The following ELAVL4 variants were observed in gnomAD, a reference collection of about 807,000 sequenced individuals.
ELAVL4 encodes ELAV like RNA binding protein 4.
In ELAVL4, 1 loss-of-function variant was observed where a neutral mutation model predicts 35.6. The observed-to-expected ratio is 0.03, with a 90% CI of 0.01 to 0.13. The LOEUF (loss-of-function observed/expected upper bound fraction) is 0.13, where lower values mean the gene tolerates loss of function less well. Ranked by LOEUF, ELAVL4 falls within the 10% of genes least tolerant of loss-of-function variation. The pLI, the probability that ELAVL4 is intolerant of heterozygous loss-of-function variation, is 1.00. For synonymous variants in ELAVL4, 156 were observed against 171.0 expected (o/e 0.91, Z 0.69); for missense variants, 267 against 464.9 (o/e 0.57, Z 3.91).
At chr1:50,107,723 T>G (rs536403842), upstream of ELAVL4, among the ~76,000 whole-genome samples, 1 of 152,346 alleles carries the variant, frequency 6.6e-6, no homozygotes, top group East Asian at 1.9e-4. Context: ...ACAAATTGAT[T>G]AAATTATGAG....
upstream of ELAVL4, among the ~76,000 whole-genome samples, chr1:50,107,401 C>T (rs1377273810): frequency 6.6e-6 from 1 of 152,140 alleles, no homozygotes; most frequent in Non-Finnish European, 1.5e-5. Flanking sequence ...GTACCCAACA[C>T]ATATTGTTTT....
chr1:50,160,621 G>C (rs1676631811), intron 2 of ELAVL4, among the ~76,000 whole-genome samples: 1 of 152,108 alleles, frequency 6.6e-6, no homozygotes. Flanking sequence ...GAGCACCTTA[G>C]TGTTATTTCA....
chr1:50,198,923 C>T (rs750468929), intron 6 of ELAVL4, among the ~76,000 whole-genome samples: 4 of 152,160 alleles, frequency 2.6e-5, no homozygotes, highest in Admixed American at 6.5e-5. Context: ...CTTTGCTGGC[C>T]CTGACCTTTG....
At chr1:50,169,439 C>G (rs1678593255) in intron 2 of ELAVL4, among the ~76,000 whole-genome samples, 1 of 152,156 alleles carries the variant, frequency 6.6e-6, no homozygotes, top group Non-Finnish European at 1.5e-5. Context: ...ACCCCCTACA[C>G]TGCCTTTCCT....
At chr1:50,178,245 A>C (rs1680413814) in intron 3 of ELAVL4, among the ~76,000 whole-genome samples, 1 of 152,208 alleles carries the variant, frequency 6.6e-6, no homozygotes, top group South Asian at 2.1e-4. Flanking sequence ...GCAAAGTAGG[A>C]CAAAAGAGAA....
intron 4 of ELAVL4, among the ~76,000 whole-genome samples, chr1:50,194,597 T>A (rs1683148374): frequency 6.6e-6 from 1 of 152,158 alleles, no homozygotes. Flanking sequence ...AGACAAACCT[T>A]CACAGAAGTC....
chr1:50,090,896 G>A lies in ELAVL4; in HGVS notation c.18+42714G>A, dbSNP rs111510245. The stretch of plus-strand genomic sequence containing the variant: ...GTGGACACTTGGCAGTCCCTGCACC[G>A]CAGTCAGAGGTAGCCCAAAATGAGG... On this transcript the variant is annotated intron_variant, in intron 1 of 6. Coordinates refer to the ELAVL4 transcript ENST00000448907. 2.0e-3 allele frequency among the ~76,000 whole-genome samples: 297 copies of A among 152,306 alleles called. 10 individuals carry two copies. The South Asian group carries it at 0.06, about 31-fold the overall frequency.
At chr1:50,131,536 T>A (rs1277890377) in intron 1 of ELAVL4, among the ~76,000 whole-genome samples, 1 of 152,064 alleles carries the variant, frequency 6.6e-6, no homozygotes, top group African/African-American at 2.4e-5. Context: ...ACACCTGTAA[T>A]CCCAGCACTT....
At chr1:50,120,161 C>A (rs1399754037) in intron 1 of ELAVL4, among the ~76,000 whole-genome samples, 1 of 151,442 alleles carries the variant, frequency 6.6e-6, no homozygotes, top group African/African-American at 2.4e-5. Flanking sequence ...TAAGCAAGGA[C>A]AATGGCAAGC....
In ELAVL4 at chr1:50,049,417, T is replaced by G. The variant is rs78670218; in HGVS notation, c.18+1235T>G. The stretch of plus-strand genomic sequence containing the variant: ...AATGGAACTCCATTCATGAGGGAAG[T>G]AGTCTGTGTGAAGTGTTTTGTAAAT... On this transcript the variant is annotated intron_variant, in intron 1 of 6. Coordinates refer to the ELAVL4 transcript ENST00000448907. 8.2e-3 allele frequency among the ~76,000 whole-genome samples: 1,245 copies of G among 152,288 alleles called. 9 individuals carry two copies. Among genetic ancestry groups the G allele is most frequent in the Middle Eastern group, 0.031 (9 of 294 alleles).
At chr1:50,166,270 A>G (rs1250039389) in intron 2 of ELAVL4, among the ~76,000 whole-genome samples, 1 of 152,188 alleles carries the variant, frequency 6.6e-6, no homozygotes, top group Non-Finnish European at 1.5e-5. Flanking sequence ...ATCTTCAAAT[A>G]AAGGTAGTAA....
At chr1:50,049,499 G>A (rs1453136362) in intron 1 of ELAVL4, among the ~76,000 whole-genome samples, 2 of 152,154 alleles carry the variant, frequency 1.3e-5, no homozygotes, top group African/African-American at 4.8e-5. Flanking sequence ...GAATCAAAAG[G>A]TTCAATCCAG....
At chr1:50,128,866 G>T (rs1474093929) in intron 1 of ELAVL4, among the ~76,000 whole-genome samples, 5 of 152,078 alleles carry the variant, frequency 3.3e-5, no homozygotes, top group African/African-American at 1.2e-4. Flanking sequence ...TCAGTGACCA[G>T]AAGATGTCAG....
chr1:50,150,144 G>C (rs1387618427), intron 2 of ELAVL4, among the ~76,000 whole-genome samples: 1 of 152,150 alleles, frequency 6.6e-6, no homozygotes, highest in African/African-American at 2.4e-5. Context: ...TGTCTCTTTG[G>C]AAGCAGTGGT....
At chr1:50,060,020 T>A (rs1413339622) in intron 1 of ELAVL4, among the ~76,000 whole-genome samples, 1 of 152,140 alleles carries the variant, frequency 6.6e-6, no homozygotes, top group Non-Finnish European at 1.5e-5. Context: ...TTGATAGAGG[T>A]CATGATTGCA....
At chr1:50,053,539 A>G (rs1249685192) in intron 1 of ELAVL4, among the ~76,000 whole-genome samples, 3 of 152,056 alleles carry the variant, frequency 2.0e-5, no homozygotes, top group African/African-American at 7.2e-5. Context: ...TTGTAGAGAC[A>G]GGGTCTCTCT....
At chr1:50,098,508 A>G (rs1665812908) in intron 1 of ELAVL4, among the ~76,000 whole-genome samples, 1 of 152,196 alleles carries the variant, frequency 6.6e-6, no homozygotes, top group Non-Finnish European at 1.5e-5. Context: ...CTTGTAGCAA[A>G]TAAGGCTTTG....
At chr1:50,110,003 C>CTGTGTG (rs113726459) in intron 1 of ELAVL4, 49 of 1,553,274 alleles carry the variant, frequency 3.2e-5, no homozygotes, top group African/African-American at 2.6e-4. Context: ...GGTCCCAGCC[C>CTGTGTG]TGTGTGTGTG....
chr1:50,055,579 G>T (rs1401833631), intron 1 of ELAVL4, among the ~76,000 whole-genome samples: 1 of 152,036 alleles, frequency 6.6e-6, no homozygotes, highest in Non-Finnish European at 1.5e-5. Context: ...GATTACAGGC[G>T]TGAGCCACCA....
Sources: gnomAD v4.1 joint callset for allele counts (sites outside exome capture counted in the v4.1 genomes callset) on GRCh38, gnomAD v4.1.1 for gene constraint, MANE v1.5 for transcripts, NCBI Gene and HGNC (gene_info 2026-07-23, HGNC 2026-07-21) for gene names.